The following PRKCA variants were observed in gnomAD, a reference collection of about 807,000 sequenced individuals.
The protein encoded by PRKCA is protein kinase C alpha type.
Under a neutral mutation model 87.0 loss-of-function variants are expected in PRKCA, and 27 were observed. The observed-to-expected ratio is 0.31, with a 90% CI of 0.23 to 0.43. PRKCA has a LOEUF of 0.43. Among genes scored for constraint, PRKCA ranks in the 20% least tolerant of loss-of-function variants. The pLI, the probability that PRKCA is intolerant of heterozygous loss-of-function variation, is 1.00. For synonymous variants in PRKCA, 329 were observed against 311.1 expected (o/e 1.06, Z -0.61); for missense variants, 518 against 852.3 (o/e 0.61, Z 4.88).
chr17:66,493,707 A>G (rs1916343839), intron 2 of PRKCA, among the ~76,000 whole-genome samples: 1 of 152,150 alleles, frequency 6.6e-6, no homozygotes, highest in Non-Finnish European at 1.5e-5. Flanking sequence ...CAATTTGCTA[A>G]TAATGCATGT....
rs1403247186 is a variant in PRKCA, at chr17:66,713,067, T to TTTTTTTG, written c.919-19619_919-19618insTTTTGTT. On this transcript the variant is annotated intron_variant, in intron 8 of 16. Transcript: ENST00000413366. ...TGTTGTCCTTTTTTTTTTTTTTTTTTTTGAGATGGAGTCTCACTCTGTTGC... is the reference window on the plus strand; with the variant it reads ...TGTTGTCCTTTTTTTTTTTTTTTTTTTTTTTTGTTGAGATGGAGTCTCACTCTGTTGC... 1.6e-4 allele frequency among the ~76,000 whole-genome samples: 24 copies of TTTTTTTG among 145,670 alleles called. 1 individual carries two copies. The highest frequency in any genetic ancestry group is 2.1e-4 in the Non-Finnish European group (14 of 66,336).
intron 14 of PRKCA, among the ~76,000 whole-genome samples, chr17:66,776,110 C>T (rs1975041011): frequency 6.6e-6 from 1 of 152,126 alleles, no homozygotes; most frequent in African/African-American, 2.4e-5. Context: ...ATGGAAGCTC[C>T]CAGCAGGGCT....
chr17:66,647,469 G>A (rs1295853900), intron 5 of PRKCA, among the ~76,000 whole-genome samples: 1 of 152,214 alleles, frequency 6.6e-6, no homozygotes, highest in African/African-American at 2.4e-5. Flanking sequence ...GGCATTCTTT[G>A]TGTTTCTAGA....
chr17:66,684,756 G>A (rs1972580366), intron 5 of PRKCA, among the ~76,000 whole-genome samples: 1 of 152,180 alleles, frequency 6.6e-6, no homozygotes, highest in Non-Finnish European at 1.5e-5. Flanking sequence ...CTGGTAGGAG[G>A]CAACCCAGGA....
chr17:66,318,402 CT>C (rs200025855), intron 2 of PRKCA, among the ~76,000 whole-genome samples: 9 of 148,886 alleles, frequency 6.0e-5, no homozygotes, highest in South Asian at 2.1e-4. Flanking sequence ...CACCATTATC[CT>C]TTTTTTTTTC....
At chr17:66,715,104 G>A (rs1041289980) in intron 8 of PRKCA, among the ~76,000 whole-genome samples, 21 of 151,926 alleles carry the variant, frequency 1.4e-4, no homozygotes, top group African/African-American at 5.1e-4. Flanking sequence ...CCAGCATTTC[G>A]GGGATAGGAT....
chr17:66,809,499 T>C lies in PRKCA; in HGVS notation c.*5462T>C, dbSNP rs942123160. 1 of 152,362 alleles carries C rather than the reference T, an allele frequency of 6.6e-6. No individual in the cohort carries two copies. The highest frequency in any genetic ancestry group is 2.4e-5 in the African/African-American group (1 of 41,452). 9.4% of individuals were successfully genotyped at this position (152,362 alleles called of 1,614,324 possible). On this transcript the variant is annotated 3_prime_UTR_variant, in exon 17 of 17. Transcript: ENST00000413366. ...TTATAGAGAACTTTAATAATAATTC[T>C]TTAAAAATGAGTTTTTAGAACAAAG...
At chr17:66,650,451 T>A (rs1044288955) in intron 5 of PRKCA, among the ~76,000 whole-genome samples, 1 of 151,896 alleles carries the variant, frequency 6.6e-6, no homozygotes, top group African/African-American at 2.4e-5. Flanking sequence ...AAAAAAAAAA[T>A]CCCTCATGGG....
At chr17:66,687,734 A>C (rs1022584388) in intron 6 of PRKCA, among the ~76,000 whole-genome samples, 1 of 152,192 alleles carries the variant, frequency 6.6e-6, no homozygotes, top group African/African-American at 2.4e-5. Flanking sequence ...CTTCCTGGAA[A>C]AGGTGACATT....
chr17:66,577,351 A>G (rs1322702699), intron 3 of PRKCA, among the ~76,000 whole-genome samples: 1 of 152,066 alleles, frequency 6.6e-6, no homozygotes, highest in Admixed American at 6.6e-5. Flanking sequence ...TCTACTCCTG[A>G]TTTGGGCCTG....
intron 3 of PRKCA, among the ~76,000 whole-genome samples, chr17:66,503,623 C>T (rs1015026936): frequency 2.6e-5 from 4 of 152,108 alleles, no homozygotes; most frequent in Admixed American, 6.5e-5. Flanking sequence ...GACTGGACTC[C>T]GTGGAGGACT....
At chr17:66,641,140 G>A (rs889957837) in intron 3 of PRKCA, among the ~76,000 whole-genome samples, 3 of 134,702 alleles carry the variant, frequency 2.2e-5, no homozygotes, top group African/African-American at 5.0e-5. Flanking sequence ...CCTGGGCGAC[G>A]AGCAAGACTC....
intron 8 of PRKCA, among the ~76,000 whole-genome samples, chr17:66,694,768 A>T (rs1158917224): frequency 9.9e-5 from 2 of 20,280 alleles, no homozygotes; most frequent in Admixed American, 4.5e-4. Flanking sequence ...TCCAATGGTT[A>T]AAAAAAAAAA....
At chr17:66,544,596 AT>A (rs199726375) in intron 3 of PRKCA, among the ~76,000 whole-genome samples, 14 of 149,836 alleles carry the variant, frequency 9.3e-5, no homozygotes, top group African/African-American at 2.4e-4. Flanking sequence ...TACCAATATC[AT>A]TTTTTTTTTA....
At chr17:66,786,317 G>A (rs1331966233) in intron 14 of PRKCA, among the ~76,000 whole-genome samples, 1 of 152,200 alleles carries the variant, frequency 6.6e-6, no homozygotes, top group Non-Finnish European at 1.5e-5. Flanking sequence ...GAGTCCAATG[G>A]AAGCTAAGGT....
At chr17:66,327,471 G>A (rs1191597313) in intron 2 of PRKCA, among the ~76,000 whole-genome samples, 1 of 152,004 alleles carries the variant, frequency 6.6e-6, no homozygotes, top group Non-Finnish European at 1.5e-5. Flanking sequence ...GGGAGGTGGA[G>A]GTTGCAGTGA....
chr17:66,433,289 C>T (rs868361401), intron 2 of PRKCA, among the ~76,000 whole-genome samples: 17 of 152,272 alleles, frequency 1.1e-4, no homozygotes, highest in Middle Eastern at 3.4e-3. Flanking sequence ...GCTCTGGCCC[C>T]GGCCCTGGCC....
chr17:66,742,898 C>A, intron 13 of PRKCA, 138 bp downstream of exon 13: 2 of 965,672 alleles, frequency 2.1e-6, no homozygotes, highest in Non-Finnish European at 3.0e-6. Context: ...CTGGACAAAA[C>A]AGACTAAAAT....
At chr17:66,366,529 T>C (rs1908737222) in intron 2 of PRKCA, among the ~76,000 whole-genome samples, 1 of 152,190 alleles carries the variant, frequency 6.6e-6, no homozygotes, top group Non-Finnish European at 1.5e-5. Context: ...AGATCTTAAT[T>C]GACCTATTAG....
Sources: gnomAD v4.1 joint callset for allele counts (sites outside exome capture counted in the v4.1 genomes callset) on GRCh38, gnomAD v4.1.1 for gene constraint, MANE v1.5 for transcripts, NCBI Gene and HGNC (gene_info 2026-07-23, HGNC 2026-07-21) for gene names.